Variants in PDE4B observed in about 807,000 individuals in gnomAD.
PDE4B encodes the protein phosphodiesterase 4B, also known as 3',5'-cyclic-AMP phosphodiesterase 4B.
Under a neutral mutation model 82.2 loss-of-function variants are expected in PDE4B, and 20 were observed. The observed-to-expected ratio is 0.24, with a 90% CI of 0.17 to 0.35. The LOEUF is 0.35. PDE4B is among the 10% of genes least tolerant of loss of function. The pLI, the probability that PDE4B is intolerant of heterozygous loss-of-function variation, is 1.00. For synonymous variants in PDE4B, 320 were observed against 318.9 expected (o/e 1.00, Z -0.04); for missense variants, 655 against 907.2 (o/e 0.72, Z 3.57).
intron 1 of PDE4B, among the ~76,000 whole-genome samples, chr1:65,841,614 A>G (rs1646208731): frequency 6.6e-6 from 1 of 152,182 alleles, no homozygotes; most frequent in Non-Finnish European, 1.5e-5. Flanking sequence ...TTAGAATGGT[A>G]TGCAAAATGA....
At position 66,263,539 on chromosome 1, in the gene PDE4B, C is replaced by G. The variant is rs540309165; in HGVS notation, c.585-2499C>G. Among the ~76,000 whole-genome samples the G allele has an allele frequency of 1.9e-4, 29 of 152,314 alleles. 1 individual carries two copies. In the South Asian group the frequency reaches 6.0e-3, roughly 32 times the overall value. On this transcript the variant is annotated intron_variant, in intron 6 of 16. Transcript: ENST00000341517. ...TTCTATTAACATTTTGGAGTTCCTA[C>G]TATTTGCCAGGCAATATGGCGGGAC...
intron 3 of PDE4B, among the ~76,000 whole-genome samples, chr1:66,215,670 G>A (rs1213756078): frequency 6.6e-6 from 1 of 152,086 alleles, no homozygotes; most frequent in African/African-American, 2.4e-5. Context: ...AGCTGAACAT[G>A]CCCCCAGGTA....
chr1:66,195,337 A>G (rs1453762376), intron 3 of PDE4B, among the ~76,000 whole-genome samples: 1 of 152,162 alleles, frequency 6.6e-6, no homozygotes, highest in Non-Finnish European at 1.5e-5. Flanking sequence ...TTGACTGACA[A>G]TAGCACCCAA....
intron 15 of PDE4B, 164 bp downstream of exon 15, chr1:66,368,229 GT>G: frequency 1.7e-6 from 1 of 601,082 alleles, no homozygotes; most frequent in Non-Finnish European, 2.8e-6. Context: ...GGACATTCAA[GT>G]TTATCTTCTA....
intron 4 of PDE4B, among the ~76,000 whole-genome samples, chr1:66,253,306 T>C (rs918569113): frequency 6.6e-6 from 1 of 152,224 alleles, no homozygotes; most frequent in African/African-American, 2.4e-5. Flanking sequence ...AATTTCTGTG[T>C]GTAGTGAGAA....
At chr1:65,876,028 T>G (rs1004049090) in intron 1 of PDE4B, among the ~76,000 whole-genome samples, 36 of 152,152 alleles carry the variant, frequency 2.4e-4, no homozygotes, top group Non-Finnish European at 4.6e-4. Context: ...ATTGCTTTAT[T>G]TATTTTCATG....
At chr1:66,275,256 A>G (rs1655795231) in intron 7 of PDE4B, among the ~76,000 whole-genome samples, 1 of 152,202 alleles carries the variant, frequency 6.6e-6, no homozygotes, top group East Asian at 1.9e-4. Flanking sequence ...ACAGCACATC[A>G]AAGTTGTATT....
intron 3 of PDE4B, among the ~76,000 whole-genome samples, chr1:66,117,618 C>T (rs1645622261): frequency 6.6e-6 from 1 of 151,902 alleles, no homozygotes; most frequent in African/African-American, 2.4e-5. Flanking sequence ...CCTCATAATA[C>T]CCAGCATATA....
intron 1 of PDE4B, among the ~76,000 whole-genome samples, chr1:65,891,231 T>A (rs949260316): frequency 6.6e-6 from 1 of 152,126 alleles, no homozygotes; most frequent in Non-Finnish European, 1.5e-5. Context: ...ATTAGTTAAT[T>A]CAGCAATCAG....
At chr1:65,970,113 A>C (rs1414971618) in intron 3 of PDE4B, among the ~76,000 whole-genome samples, 3 of 152,014 alleles carry the variant, frequency 2.0e-5, no homozygotes, top group African/African-American at 7.2e-5. Flanking sequence ...TTACTTATTT[A>C]ACAAACTTTT....
chr1:65,824,468 A>G lies in PDE4B; in HGVS notation c.-71+31220A>G, dbSNP rs374424105. Among the ~76,000 whole-genome samples, 41 of 152,110 alleles carry G rather than the reference A, an allele frequency of 2.7e-4. No individual in the cohort carries two copies. In the East Asian group the frequency reaches 6.4e-3, roughly 24 times the overall value. ...TGAATAAAATGAACTAGGCAATACT[A>G]CTTTTCATAAAAAATATTGACAGTG... is the stretch of plus-strand genomic sequence containing the variant. On this transcript the variant is annotated intron_variant, in intron 1 of 16. Transcript: ENST00000341517.
chr1:66,189,478 C>G (rs1004254155), intron 3 of PDE4B, among the ~76,000 whole-genome samples: 1 of 152,178 alleles, frequency 6.6e-6, no homozygotes, highest in African/African-American at 2.4e-5. Flanking sequence ...ACCAATCAGA[C>G]GTAGATTTGG....
At chr1:66,268,616 C>T (rs568492498) in intron 7 of PDE4B, among the ~76,000 whole-genome samples, 5 of 135,402 alleles carry the variant, frequency 3.7e-5, no homozygotes, top group South Asian at 4.6e-4. Context: ...TGCAGTGAGC[C>T]GAGATCGCAC....
chr1:65,971,541 A>G (rs1039658137), intron 3 of PDE4B, among the ~76,000 whole-genome samples: 1 of 152,172 alleles, frequency 6.6e-6, no homozygotes, highest in African/African-American at 2.4e-5. Context: ...TTAATAAAAA[A>G]CCCATTAATG....
intron 3 of PDE4B, among the ~76,000 whole-genome samples, chr1:66,030,358 G>A (rs982770748): frequency 5.9e-5 from 9 of 152,244 alleles, no homozygotes; most frequent in East Asian, 5.8e-4. Flanking sequence ...GGAAGATGCT[G>A]GATTTGTAGG....
chr1:65,852,418 C>T (rs1646342662), intron 1 of PDE4B, among the ~76,000 whole-genome samples: 1 of 151,808 alleles, frequency 6.6e-6, no homozygotes, highest in Non-Finnish European at 1.5e-5. Flanking sequence ...ATAATGTTTT[C>T]AATAAACCTA....
chr1:66,342,202 A>G (rs1661039409), intron 8 of PDE4B, among the ~76,000 whole-genome samples: 1 of 152,236 alleles, frequency 6.6e-6, no homozygotes, highest in Non-Finnish European at 1.5e-5. Context: ...ATATTTATTA[A>G]GGGAAATTAT....
At chr1:66,240,182 G>C (rs139033979) in intron 3 of PDE4B, among the ~76,000 whole-genome samples, 5 of 152,348 alleles carry the variant, frequency 3.3e-5, no homozygotes, top group African/African-American at 1.2e-4. Context: ...CCCACAGTCA[G>C]TCTTGTTGAA....
chr1:65,850,036 G>A lies in PDE4B; in HGVS notation c.-71+56788G>A, dbSNP rs562557962. Among the ~76,000 whole-genome samples the A allele has an allele frequency of 1.9e-3, 284 of 150,584 alleles. 2 individuals carry two copies. Among genetic ancestry groups the A allele is most frequent in the African/African-American group, 6.3e-3 (258 of 40,944 alleles). ...GCTTTCCAAAGCAGTTGCACCATTC[G>A]CATTCCCACCAGCAATACATGAGTG... On this transcript the variant is annotated intron_variant, in intron 1 of 16. Transcript: ENST00000341517.
Sources: gnomAD v4.1 joint callset for allele counts (sites outside exome capture counted in the v4.1 genomes callset) on GRCh38, gnomAD v4.1.1 for gene constraint, MANE v1.5 for transcripts, NCBI Gene and HGNC (gene_info 2026-07-23, HGNC 2026-07-21) for gene names.